The following NLRP5 variants were observed in gnomAD, a reference collection of about 807,000 sequenced individuals.
The protein encoded by NLRP5 is NACHT, LRR and PYD domains-containing protein 5.
A neutral mutation model predicts 113.1 loss-of-function variants in NLRP5; 93 were observed. The observed-to-expected ratio is 0.82, with a 90% CI of 0.70 to 0.98. The LOEUF is 0.98. Among genes scored for constraint, NLRP5 ranks in the 50% least tolerant of loss-of-function variants. The pLI, the probability that NLRP5 is intolerant of heterozygous loss-of-function variation, is 0.00. For synonymous variants in NLRP5, 751 were observed against 600.7 expected, an observed-to-expected ratio of 1.25 and a Z score of -3.66; for missense variants, 1,808 against 1,514.3, an observed-to-expected ratio of 1.19 and a Z score of -3.22.
intron 7 of NLRP5, among the ~76,000 whole-genome samples, chr19:56,029,268 T>C (rs967492293): frequency 2.0e-5 from 3 of 152,092 alleles, no homozygotes; most frequent in Admixed American, 6.6e-5. Context: ...AACTCATTTG[T>C]ATTTTTTTCT....
chr19:56,052,587 T>A (rs1198890210), intron 12 of NLRP5, among the ~76,000 whole-genome samples: 1 of 152,080 alleles, frequency 6.6e-6, no homozygotes, highest in African/African-American at 2.4e-5. Context: ...CTCTTTATTC[T>A]TCACCCGATG....
At chr19:56,001,991 TGA>T (rs994184898) in intron 1 of NLRP5, among the ~76,000 whole-genome samples, 4 of 152,124 alleles carry the variant, frequency 2.6e-5, no homozygotes, top group African/African-American at 9.7e-5. Context: ...AAAGGAAATT[TGA>T]GAGATTTAGG....
chr19:56,019,183 T>C (rs1261232130), intron 4 of NLRP5, 159 bp from the exon 5 acceptor site: 5 of 741,132 alleles, frequency 6.7e-6, no homozygotes, highest in Admixed American at 2.6e-5. Context: ...TAGTGCTCAT[T>C]GTACCAGTGC....
At chr19:56,026,600 G>C (rs1982861464) in intron 6 of NLRP5, among the ~76,000 whole-genome samples, 1 of 146,844 alleles carries the variant, frequency 6.8e-6, no homozygotes, top group African/African-American at 2.5e-5. Flanking sequence ...TTTATTTTGA[G>C]ATAGAGTCTC....
At chr19:56,044,566 T>C (rs1983651713) in intron 11 of NLRP5, among the ~76,000 whole-genome samples, 1 of 152,230 alleles carries the variant, frequency 6.6e-6, no homozygotes, top group Non-Finnish European at 1.5e-5. Context: ...TTCTGTTTCG[T>C]TGGTCTATGT....
Position 56,015,787 on chromosome 19 carries a change from C to T in NLRP5, c.554C>T (p.Thr185Ile), listed in dbSNP as rs545544725. The T allele has an allele frequency of 1.3e-6, 2 of 1,568,966 alleles. No individual in the cohort carries two copies. The highest frequency in any genetic ancestry group is 1.2e-5 in the South Asian group (1 of 84,506). The change falls in exon 4 of 15, where the codon ACA (threonine) becomes ATA (isoleucine). Residue 185 changes from threonine to isoleucine, a missense_variant. Thr to Ile is a moderately conservative substitution (Grantham distance 89). Transcript: ENST00000390649. ...CAAGATAGTGCCACAGCTGCAGAGACAAAAGAACAAGGTGAATGAAATAGA... is the reference window on the plus strand; with the variant it reads ...CAAGATAGTGCCACAGCTGCAGAGATAAAAGAACAAGGTGAATGAAATAGA...
chr19:56,024,411 T>C (rs1335639381), intron 6 of NLRP5, among the ~76,000 whole-genome samples: 1 of 125,046 alleles, frequency 8.0e-6, no homozygotes, highest in Admixed American at 8.0e-5. Flanking sequence ...TGTACATATA[T>C]GTATATATGT....
rs914673139 is a variant in NLRP5, at chr19:56,005,644, G to A, written c.442+1549G>A. 3.0e-4 allele frequency among the ~76,000 whole-genome samples: 42 copies of A among 141,894 alleles called. 2 individuals carry two copies. The highest frequency in any genetic ancestry group is 8.0e-4 in the African/African-American group (30 of 37,332). The allele number at this position is 141,894 out of a possible 152,430, so 93.1% of individuals were successfully genotyped here. ...TATTTATACACACACACACACACACGCGCGCAGGTGGCATGCCTGCACATC... is the reference window on the plus strand; with the variant it reads ...TATTTATACACACACACACACACACACGCGCAGGTGGCATGCCTGCACATC... On this transcript the variant is annotated intron_variant, in intron 2 of 14. Coordinates refer to ENST00000390649, the MANE Select transcript of NLRP5 (RefSeq NM_153447.4).
chr19:55,998,672 GTATATATATATATATA>G (rs368326842), upstream of NLRP5, among the ~76,000 whole-genome samples: 1 of 105,992 alleles, frequency 9.4e-6, no homozygotes, highest in African/African-American at 3.7e-5. Flanking sequence ...GTGTGTGTGT[GTATATATATATATATA>G]TATATATATA....
intron 11 of NLRP5, among the ~76,000 whole-genome samples, chr19:56,048,352 G>C (rs1159101341): frequency 2.6e-5 from 4 of 152,098 alleles, no homozygotes; most frequent in Non-Finnish European, 4.4e-5. Flanking sequence ...CTTTAAAGAG[G>C]TTCTGTTTTG....
chr19:56,043,850 T>C (rs938005907), intron 11 of NLRP5, among the ~76,000 whole-genome samples: 14 of 151,178 alleles, frequency 9.3e-5, no homozygotes, highest in South Asian at 8.6e-4. Context: ...GTGCTGGGAT[T>C]ACAGGCGTGA....
At chr19:56,061,140 A>G (rs1269493401) in intron 14 of NLRP5, among the ~76,000 whole-genome samples, 2 of 152,200 alleles carry the variant, frequency 1.3e-5, no homozygotes, top group East Asian at 1.9e-4. Flanking sequence ...AGTCTGCCAT[A>G]CTTTTTCTAA....
intron 6 of NLRP5, 66 bp downstream of exon 6, chr19:56,020,497 T>G: frequency 6.6e-7 from 1 of 1,505,590 alleles, no homozygotes; most frequent in Non-Finnish European, 9.2e-7. Context: ...GAAGTGTAAG[T>G]AGTTTAGATT....
upstream of NLRP5, among the ~76,000 whole-genome samples, chr19:55,998,706 GTGTGTGTGTATATATATATATA>G (rs1981454846): frequency 4.2e-4 from 13 of 31,272 alleles, no homozygotes; most frequent in African/African-American, 1.1e-3. Flanking sequence ...ATATATATGT[GTGTGTGTGTATATATATATATA>G]TGTGTATATA....
At chr19:55,995,196 C>G (rs1263044872), upstream of NLRP5, among the ~76,000 whole-genome samples, 1 of 152,084 alleles carries the variant, frequency 6.6e-6, no homozygotes, top group African/African-American at 2.4e-5. Context: ...ACATCACACA[C>G]TGGGGCCTGT....
intron 3 of NLRP5, among the ~76,000 whole-genome samples, chr19:56,010,742 C>CCAAAAA (rs1555764914): frequency 9.7e-5 from 4 of 41,284 alleles, no homozygotes; most frequent in African/African-American, 4.2e-4. Flanking sequence ...AACTCTGTCT[C>CCAAAAA]AAAAAAAAAA....
chr19:56,004,455 G>T (rs759412870), intron 2 of NLRP5, among the ~76,000 whole-genome samples: 3 of 152,168 alleles, frequency 2.0e-5, no homozygotes, highest in Admixed American at 6.6e-5. Context: ...CTTGGAACAG[G>T]AAATGTGTTA....
At chr19:55,994,957 A>T (rs1429370910), upstream of NLRP5, among the ~76,000 whole-genome samples, 6 of 152,192 alleles carry the variant, frequency 3.9e-5, no homozygotes, top group African/African-American at 1.4e-4. Context: ...TTAATTCTGC[A>T]TATGGTTATC....
chr19:56,000,207 G>C (rs60062723), intron 1 of NLRP5, among the ~76,000 whole-genome samples: 2 of 140,110 alleles, frequency 1.4e-5, no homozygotes, highest in Admixed American at 1.4e-4. Flanking sequence ...ACAGTTGTCC[G>C]AGGACTGCCA....
Sources: allele counts gnomAD v4.1 joint callset (sites outside exome capture counted in the v4.1 genomes callset), GRCh38; gene constraint gnomAD v4.1.1; transcripts MANE v1.5; gene names NCBI Gene and HGNC (gene_info 2026-07-23, HGNC 2026-07-21).